NWD1: variants seen among roughly 807,000 people sequenced by gnomAD.
NWD1 encodes the protein NACHT domain- and WD repeat-containing protein 1.
A neutral mutation model predicts 135.1 loss-of-function variants in NWD1; 129 were observed. The ratio of observed to expected loss-of-function variants is 0.96; its 90% CI spans 0.83 to 1.11. The LOEUF (loss-of-function observed/expected upper bound fraction) is 1.11. Ranked by LOEUF, NWD1 falls within the 50% of genes least tolerant of loss-of-function variation. NWD1 has a pLI of 0.00. For synonymous variants in NWD1, 773 were observed against 786.0 expected (o/e 0.98, Z 0.28); for missense variants, 1,740 against 1,851.3 (o/e 0.94, Z 1.10).
rs969843708 is a variant in NWD1, at chr19:16,816,737, G to A, written c.*1698G>A. 1 of 152,134 alleles carries A rather than the reference G, an allele frequency of 6.6e-6. No homozygotes were observed. Among genetic ancestry groups the A allele is most frequent in the Non-Finnish European group, 1.5e-5 (1 of 68,030 alleles). 9.4% of individuals were successfully genotyped at this position (152,134 alleles called of 1,614,324 possible). ...TCCCCTCCGTGGAATTCCTGATAGA[G>A]TCTCAATAAAAGCAACCTTAGAAAC... On this transcript the variant is annotated 3_prime_UTR_variant, in exon 19 of 19. Transcript: ENST00000524140.
chr19:16,740,642 A>ATTTTTTTTTT (rs1162769783), intron 4 of NWD1, among the ~76,000 whole-genome samples: 4 of 112,968 alleles, frequency 3.5e-5, no homozygotes, highest in African/African-American at 1.4e-4. Context: ...CCAGACTTCT[A>ATTTTTTTTTT]TTTTTTTTTT....
chr19:16,772,966 G>A (rs1304373931), intron 10 of NWD1, among the ~76,000 whole-genome samples, 160 bp from the exon 11 acceptor site: 1 of 152,170 alleles, frequency 6.6e-6, no homozygotes, highest in Admixed American at 6.6e-5. Flanking sequence ...AAGTGTGTCT[G>A]GAGAGCAGAG....
At chr19:16,789,937 C>T (rs1219083093) in intron 13 of NWD1, among the ~76,000 whole-genome samples, 1 of 152,102 alleles carries the variant, frequency 6.6e-6, no homozygotes, top group Non-Finnish European at 1.5e-5. Flanking sequence ...AGGCTGGTCT[C>T]AAACTCTTGA....
chr19:16,759,298 G>A lies in NWD1; in HGVS notation c.1843G>A (p.Asp615Asn). Residue 615 changes from aspartate (D) to asparagine (N), a missense_variant, in exon 7 of 19, where the codon GAT (aspartate) becomes AAT (asparagine). By Grantham distance (23) the Asp-to-Asn change is conservative (BLOSUM62 1). Transcript: ENST00000524140. The part of the protein sequence containing the change: ...DDEVLQDVYR[D>N]WTPPSKELLR... Reference sequence around the variant, plus strand: ...CGAGGTCCTGCAGGATGTGTACCGAGATTGGACCCCGCCCAGCAAGGAGCT... The same window carrying A: ...CGAGGTCCTGCAGGATGTGTACCGAAATTGGACCCCGCCCAGCAAGGAGCT... The A allele has an allele frequency of 6.2e-7, 1 of 1,614,154 alleles. No individual in the cohort carries two copies. The highest frequency in any genetic ancestry group is 8.5e-7 in the Non-Finnish European group (1 of 1,180,004).
At chr19:16,797,615 TG>T in intron 15 of NWD1, 116 bp from the exon 16 acceptor site, 1 of 943,152 alleles carries the variant, frequency 1.1e-6, no homozygotes, top group Non-Finnish European at 1.6e-6. Flanking sequence ...CCCAAAGTGC[TG>T]GGATTACAGG....
intron 2 of NWD1, among the ~76,000 whole-genome samples, chr19:16,729,577 TAAA>T (rs537329853): frequency 8.0e-6 from 1 of 125,056 alleles, no homozygotes; most frequent in Non-Finnish European, 1.7e-5. Context: ...TTACAAAAAG[TAAA>T]AAAAAAAAAA....
chr19:16,740,147 A>G (rs1013478620), intron 4 of NWD1, among the ~76,000 whole-genome samples: 2 of 151,592 alleles, frequency 1.3e-5, no homozygotes, highest in African/African-American at 4.8e-5. Context: ...AAAAAAAAGA[A>G]CAGTTAGCTG....
At chr19:16,743,881 C>G (rs117941268) in intron 4 of NWD1, among the ~76,000 whole-genome samples, 1 of 151,776 alleles carries the variant, frequency 6.6e-6, no homozygotes, top group Non-Finnish European at 1.5e-5. Context: ...TGGGATTTCA[C>G]TATGTTGGCC....
At chr19:16,777,901 G>T (rs1969711229) in intron 11 of NWD1, among the ~76,000 whole-genome samples, 1 of 108,386 alleles carries the variant, frequency 9.2e-6, no homozygotes, top group African/African-American at 3.8e-5. Flanking sequence ...GAAGGAAAGA[G>T]AAAGGGGAGG....
At chr19:16,766,590 CA>C (rs1969232722) in intron 10 of NWD1, among the ~76,000 whole-genome samples, 1 of 102,656 alleles carries the variant, frequency 9.7e-6, no homozygotes, top group African/African-American at 5.9e-5. Context: ...ATGTCTTAAC[CA>C]TTTTTTTTTT....
At chr19:16,732,672 AAAAGT>A (rs1263891919) in intron 3 of NWD1, among the ~76,000 whole-genome samples, 2 of 142,952 alleles carry the variant, frequency 1.4e-5, no homozygotes, top group Non-Finnish European at 3.0e-5. Flanking sequence ...AAAAAAAAGA[AAAAGT>A]GAAAAAGTGC....
At chr19:16,779,765 T>C (rs561711089) in intron 12 of NWD1, among the ~76,000 whole-genome samples, 2 of 152,166 alleles carry the variant, frequency 1.3e-5, no homozygotes, top group East Asian at 3.9e-4. Context: ...GCCTCCTGAG[T>C]AGCTGGGACT....
chr19:16,782,861 C>CTT (rs145099830), intron 12 of NWD1, among the ~76,000 whole-genome samples: 24,008 of 147,910 alleles, frequency 0.16, 4,494 homozygotes, highest in African/African-American at 0.46. Context: ...CTTCCTTTTC[C>CTT]TTCTTTCTTT....
chr19:16,733,812 A>C (rs1410616394), intron 3 of NWD1, among the ~76,000 whole-genome samples: 2 of 152,200 alleles, frequency 1.3e-5, no homozygotes, highest in East Asian at 3.9e-4. Flanking sequence ...CGGTCCCTCC[A>C]GAAGCACAAG....
chr19:16,743,352 A>G (rs1237813994), intron 4 of NWD1, among the ~76,000 whole-genome samples: 2 of 152,126 alleles, frequency 1.3e-5, no homozygotes, highest in African/African-American at 2.4e-5. Context: ...CTGAGACTAC[A>G]GATGCACACC....
intron 6 of NWD1, among the ~76,000 whole-genome samples, chr19:16,755,195 TG>T (rs748139726): frequency 3.3e-5 from 5 of 152,138 alleles, no homozygotes; most frequent in Non-Finnish European, 7.4e-5. Context: ...ATATCGATCC[TG>T]TCTATCATTA....
chr19:16,767,051 G>C (rs1000335686), intron 10 of NWD1, among the ~76,000 whole-genome samples: 2 of 151,258 alleles, frequency 1.3e-5, no homozygotes, highest in African/African-American at 4.8e-5. Context: ...CTGCTATAAA[G>C]AAACACCCAA....
rs145688630 is a variant in NWD1, at chr19:16,782,084, A to G, written c.2731+2619A>G. 7.2e-3 allele frequency among the ~76,000 whole-genome samples: 1,039 copies of G among 143,892 alleles called. 15 individuals are homozygous for G. The highest frequency in any genetic ancestry group is 0.025 in the African/African-American group (977 of 38,704). 94.4% of individuals were successfully genotyped at this position (143,892 alleles called of 152,430 possible). On this transcript the variant is annotated intron_variant, in intron 12 of 18. Transcript: ENST00000524140. ...ACTCCAGCCTGGGCGACAGAGTGAG[A>G]CTCTGTCTCAAAAAAAAAAAAAAGA...
At chr19:16,783,830 A>G (rs555324480) in intron 12 of NWD1, among the ~76,000 whole-genome samples, 184 of 152,264 alleles carry the variant, frequency 1.2e-3, no homozygotes, top group African/African-American at 4.2e-3. Context: ...CTTTATTGTC[A>G]TTGTCCCCCA....
Sources: allele counts gnomAD v4.1 joint callset (sites outside exome capture counted in the v4.1 genomes callset), GRCh38; gene constraint gnomAD v4.1.1; transcripts MANE v1.5; gene names NCBI Gene and HGNC (gene_info 2026-07-23, HGNC 2026-07-21).